Variants in CSMD1 observed in about 807,000 individuals in gnomAD.
CSMD1 encodes the protein CUB and Sushi multiple domains 1.
A neutral mutation model predicts 417.5 loss-of-function variants in CSMD1; 213 were observed. That is an observed-to-expected ratio of 0.51 (90% confidence interval 0.46 to 0.57). The LOEUF (loss-of-function observed/expected upper bound fraction) is 0.57. CSMD1 is among the 20% of genes least tolerant of loss of function. The pLI, the probability that CSMD1 is intolerant of heterozygous loss-of-function variation, is 0.00. For synonymous variants in CSMD1, 2,862 were observed against 1,736.8 expected, an observed-to-expected ratio of 1.65 and a Z score of -16.11; for missense variants, 6,923 against 4,529.7, an observed-to-expected ratio of 1.53 and a Z score of -15.17.
chr8:3,378,456 T>C (rs1304145478), intron 18 of CSMD1, among the ~76,000 whole-genome samples: 2 of 152,000 alleles, frequency 1.3e-5, no homozygotes, highest in Admixed American at 1.3e-4. Context: ...AAAAGAAAAT[T>C]TCAGGCCAAT....
At chr8:4,541,797 A>T (rs1398149997) in intron 2 of CSMD1, among the ~76,000 whole-genome samples, 1 of 152,126 alleles carries the variant, frequency 6.6e-6, no homozygotes, top group Non-Finnish European at 1.5e-5. Context: ...GCTTGACCAA[A>T]AATAATAATA....
chr8:3,730,551 G>C (rs920620305), intron 6 of CSMD1, among the ~76,000 whole-genome samples: 3 of 152,028 alleles, frequency 2.0e-5, no homozygotes, highest in African/African-American at 7.2e-5. Context: ...AGAGGAAAGT[G>C]CTACCGCCAA....
At chr8:4,304,811 G>A (rs907906628) in intron 3 of CSMD1, among the ~76,000 whole-genome samples, 6 of 152,126 alleles carry the variant, frequency 3.9e-5, no homozygotes, top group African/African-American at 1.2e-4. Context: ...CTTGGTGCAG[G>A]TCATTCAGAA....
chr8:4,797,053 G>A (rs565232748), intron 1 of CSMD1, among the ~76,000 whole-genome samples: 1 of 152,238 alleles, frequency 6.6e-6, no homozygotes, highest in Non-Finnish European at 1.5e-5. Flanking sequence ...TAAGAGAGAA[G>A]CAACAGATTC....
chr8:3,711,574 T>C (rs994832759), intron 6 of CSMD1, among the ~76,000 whole-genome samples: 5 of 152,180 alleles, frequency 3.3e-5, no homozygotes, highest in Non-Finnish European at 5.9e-5. Flanking sequence ...TTCTGCCTCT[T>C]CATGTGTGTG....
intron 1 of CSMD1, among the ~76,000 whole-genome samples, chr8:4,798,125 T>G (rs1798081187): frequency 6.6e-6 from 1 of 152,168 alleles, no homozygotes; most frequent in African/African-American, 2.4e-5. Context: ...AACTCATCAT[T>G]TACATTAGGT....
At chr8:4,170,204 G>C (rs1797692899) in intron 3 of CSMD1, among the ~76,000 whole-genome samples, 1 of 151,790 alleles carries the variant, frequency 6.6e-6, no homozygotes, top group East Asian at 1.9e-4. Flanking sequence ...GTTTCTCTCT[G>C]CAGAACTAGC....
intron 3 of CSMD1, among the ~76,000 whole-genome samples, chr8:4,231,356 G>C (rs1189195101): frequency 6.6e-6 from 1 of 152,114 alleles, no homozygotes; most frequent in African/African-American, 2.4e-5. Flanking sequence ...ACCTAGCATT[G>C]CTGGATAATT....
chr8:4,479,229 C>A (rs1800959947), intron 2 of CSMD1, among the ~76,000 whole-genome samples: 1 of 152,134 alleles, frequency 6.6e-6, no homozygotes, highest in Admixed American at 6.6e-5. Context: ...CCTGGAATTA[C>A]ATATTAATAT....
At chr8:3,717,620 A>C (rs1335108845) in intron 6 of CSMD1, among the ~76,000 whole-genome samples, 1 of 152,192 alleles carries the variant, frequency 6.6e-6, no homozygotes, top group Non-Finnish European at 1.5e-5. Flanking sequence ...ATCACCACAG[A>C]CAACCACTGT....
intron 10 of CSMD1, among the ~76,000 whole-genome samples, chr8:3,549,406 G>T (rs967983060): frequency 4.6e-5 from 7 of 152,196 alleles, no homozygotes; most frequent in Non-Finnish European, 4.4e-5. Flanking sequence ...CTGATGATGG[G>T]AGGCTATGCT....
chr8:4,344,025 G>C (rs952610938), intron 3 of CSMD1, among the ~76,000 whole-genome samples: 1 of 152,140 alleles, frequency 6.6e-6, no homozygotes. Context: ...GTGAAATTGT[G>C]AATGTATACA....
At chr8:4,906,025 T>G (rs1204699916) in intron 1 of CSMD1, among the ~76,000 whole-genome samples, 2 of 152,158 alleles carry the variant, frequency 1.3e-5, no homozygotes, top group East Asian at 3.9e-4. Flanking sequence ...TAAATTAAAA[T>G]AGAAAGCATA....
intron 4 of CSMD1, among the ~76,000 whole-genome samples, chr8:4,008,808 C>T (rs1467351265): frequency 1.3e-5 from 2 of 151,760 alleles, no homozygotes; most frequent in East Asian, 1.9e-4. Flanking sequence ...GACGGGATTT[C>T]AATGTGTTAG....
chr8:4,355,634 A>C (rs1217713778), intron 3 of CSMD1, among the ~76,000 whole-genome samples: 2 of 152,200 alleles, frequency 1.3e-5, no homozygotes, highest in African/African-American at 4.8e-5. Flanking sequence ...GCTTACAGAA[A>C]TCATTCAAGA....
At chr8:3,939,698 A>G (rs921002519) in intron 5 of CSMD1, among the ~76,000 whole-genome samples, 1 of 152,130 alleles carries the variant, frequency 6.6e-6, no homozygotes, top group African/African-American at 2.4e-5. Flanking sequence ...ATAAAAAGGA[A>G]AAAACAGTGC....
intron 3 of CSMD1, among the ~76,000 whole-genome samples, chr8:4,366,835 CTTGT>C (rs1052205206): frequency 6.6e-6 from 1 of 152,034 alleles, no homozygotes; most frequent in East Asian, 1.9e-4. Flanking sequence ...TTGCTGGCTG[CTTGT>C]TTATCTTCTT....
intron 52 of CSMD1, among the ~76,000 whole-genome samples, chr8:3,001,102 C>G (rs976363217): frequency 6.6e-6 from 1 of 151,978 alleles, no homozygotes; most frequent in Non-Finnish European, 1.5e-5. Context: ...GCCTCAGCCT[C>G]CTGAGGAGAT....
intron 1 of CSMD1, among the ~76,000 whole-genome samples, chr8:4,696,054 T>A (rs1015450816): frequency 1.7e-4 from 26 of 152,348 alleles, no homozygotes; most frequent in Non-Finnish European, 2.6e-4. Context: ...CTCTATCTTA[T>A]AAACATGGAT....
Sources: allele counts gnomAD v4.1 joint callset (sites outside exome capture counted in the v4.1 genomes callset), GRCh38; gene constraint gnomAD v4.1.1; transcripts MANE v1.5; gene names NCBI Gene and HGNC (gene_info 2026-07-23, HGNC 2026-07-21).